The following FMN1 variants were observed in gnomAD, a reference collection of about 807,000 sequenced individuals.
FMN1 encodes the protein formin 1, also known as formin-1.
A neutral mutation model predicts 132.4 loss-of-function variants in FMN1; 110 were observed. The observed-to-expected ratio is 0.83, with a 90% CI of 0.71 to 0.97. FMN1 has a LOEUF of 0.97. Ranked by LOEUF, FMN1 falls within the 50% of genes least tolerant of loss-of-function variation. FMN1 has a pLI of 0.00. For missense variants in FMN1, 1,792 were observed against 1,705.3 expected, an observed-to-expected ratio of 1.05 and a Z score of -0.90; for synonymous variants, 722 against 651.7, an observed-to-expected ratio of 1.11 and a Z score of -1.64.
At chr15:32,956,372 T>A (rs11855498) in intron 9 of FMN1, among the ~76,000 whole-genome samples, 29,071 of 150,982 alleles carry the variant, frequency 0.19, 3,501 homozygotes, top group African/African-American at 0.35. Flanking sequence ...TTTTTTTTTT[T>A]AAAAAAATAA....
intron 16 of FMN1, among the ~76,000 whole-genome samples, chr15:32,879,861 T>A (rs528460233): frequency 1.3e-5 from 2 of 152,286 alleles, no homozygotes; most frequent in East Asian, 3.9e-4. Context: ...GGATTTTTTG[T>A]TTTTATGTAT....
At position 32,795,886 on chromosome 15, in the gene FMN1, C is replaced by G. The variant is rs192776197; in HGVS notation, c.4130+2918G>C. On this transcript the variant is annotated intron_variant, in intron 19 of 20. Coordinates refer to ENST00000616417, the MANE Select transcript of FMN1 (RefSeq NM_001277313.2). ...TGAAAGCCATTAATATACCACGACA[C>G]AGTAGATTACTCTTCCAAAGATATA... Among the ~76,000 whole-genome samples, 542 of 152,304 alleles carry G rather than the reference C, an allele frequency of 3.6e-3. 4 individuals are homozygous for G. The highest frequency in any genetic ancestry group is 6.0e-3 in the Non-Finnish European group (406 of 68,016).
chr15:32,904,785 T>C (rs1337233399), intron 12 of FMN1, among the ~76,000 whole-genome samples: 6 of 152,180 alleles, frequency 3.9e-5, no homozygotes, highest in South Asian at 2.1e-4. Context: ...ATAGCTCCTC[T>C]CTTATTTATC....
At chr15:33,183,647 T>A (rs1254880322) in intron 2 of FMN1, among the ~76,000 whole-genome samples, 1 of 152,206 alleles carries the variant, frequency 6.6e-6, no homozygotes, top group African/African-American at 2.4e-5. Context: ...TTGACATTTA[T>A]CAAACAGTAG....
intron 7 of FMN1, among the ~76,000 whole-genome samples, chr15:32,977,319 G>A (rs555611581): frequency 1.3e-5 from 2 of 152,238 alleles, no homozygotes; most frequent in South Asian, 4.1e-4. Flanking sequence ...TCCTTCCCAT[G>A]CAATATATTT....
chr15:32,794,897 T>G (rs78085189), intron 19 of FMN1, among the ~76,000 whole-genome samples: 2,565 of 152,286 alleles, frequency 0.017, 82 homozygotes, highest in African/African-American at 0.059. Context: ...AAACGTGATC[T>G]TCAAGAACAA....
In FMN1 at chr15:33,163,673, A is replaced by G. The variant is rs185094896; in HGVS notation, c.-131-8628T>C. Among the ~76,000 whole-genome samples the G allele has an allele frequency of 1.9e-3, 281 of 151,074 alleles. 1 individual carries two copies. Among genetic ancestry groups the G allele is most frequent in the African/African-American group, 6.6e-3 (272 of 41,002 alleles). On this transcript the variant is annotated intron_variant, in intron 3 of 20. Transcript: ENST00000616417. ...ACTCTTGTTGCCGAGGCTGGAGTACAGTGGTGAGATCTTGGCTCACTGCAA... is the reference window on the plus strand; with the variant it reads ...ACTCTTGTTGCCGAGGCTGGAGTACGGTGGTGAGATCTTGGCTCACTGCAA...
rs181765816 is a variant in FMN1, at chr15:32,974,539, G to T, written c.2224-5062C>A. Among the ~76,000 whole-genome samples the T allele has an allele frequency of 9.9e-5, 15 of 152,230 alleles. No individual in the cohort carries two copies. The East Asian group carries it at 2.9e-3, about 29-fold the overall frequency. ...CAATTTTTACCTTTCTAATAAAGTGGTTCTCAAGCCCTGCTCCCATTAGAA... is the reference window on the plus strand; with the variant it reads ...CAATTTTTACCTTTCTAATAAAGTGTTTCTCAAGCCCTGCTCCCATTAGAA... On this transcript the variant is annotated intron_variant, in intron 7 of 20. Coordinates refer to ENST00000616417, the MANE Select transcript of FMN1 (RefSeq NM_001277313.2).
intron 6 of FMN1, among the ~76,000 whole-genome samples, chr15:33,013,920 A>G (rs2034885542): frequency 6.6e-6 from 1 of 152,226 alleles, no homozygotes; most frequent in African/African-American, 2.4e-5. Flanking sequence ...TGTAAATTGT[A>G]CCTATATGGG....
At chr15:33,075,670 G>A (rs903530332) in intron 5 of FMN1, among the ~76,000 whole-genome samples, 1 of 151,372 alleles carries the variant, frequency 6.6e-6, no homozygotes, top group Admixed American at 6.6e-5. Flanking sequence ...AGTTATTTGA[G>A]AGAAAAAAAA....
chr15:32,854,593 T>C (rs975997228), intron 17 of FMN1, among the ~76,000 whole-genome samples: 2 of 152,212 alleles, frequency 1.3e-5, no homozygotes, highest in African/African-American at 2.4e-5. Flanking sequence ...GATGAGCTGA[T>C]TGTCACTTTT....
intron 16 of FMN1, among the ~76,000 whole-genome samples, chr15:32,863,934 T>C (rs1390895809): frequency 1.3e-5 from 2 of 152,218 alleles, no homozygotes; most frequent in South Asian, 2.1e-4. Context: ...TGAAATGCAA[T>C]GTAATAAAAT....
intron 6 of FMN1, among the ~76,000 whole-genome samples, chr15:33,017,466 T>A (rs970441766): frequency 6.6e-6 from 1 of 152,062 alleles, no homozygotes; most frequent in African/African-American, 2.4e-5. Flanking sequence ...AAAACTACTC[T>A]AAAAATAGTT....
chr15:33,067,357 T>C (rs2037786570), intron 5 of FMN1: 2 of 1,614,028 alleles, frequency 1.2e-6, no homozygotes, highest in African/African-American at 2.7e-5. Context: ...ACTCCTGAGA[T>C]GGCTCAGATA....
At chr15:33,007,907 T>C (rs1312576513) in intron 7 of FMN1, 107 bp downstream of exon 7, 2 of 890,550 alleles carry the variant, frequency 2.2e-6, no homozygotes, top group Admixed American at 2.4e-5. Context: ...CAAGATGCGA[T>C]GCTGTCTAGT....
intron 7 of FMN1, among the ~76,000 whole-genome samples, chr15:33,001,343 A>C (rs891257836): frequency 6.6e-6 from 1 of 152,186 alleles, no homozygotes; most frequent in African/African-American, 2.4e-5. Context: ...TTCAAAAGCA[A>C]AGATTTATTG....
intron 5 of FMN1, among the ~76,000 whole-genome samples, chr15:33,075,281 G>A (rs1216174301): frequency 6.6e-6 from 1 of 152,088 alleles, no homozygotes; most frequent in Admixed American, 6.5e-5. Context: ...CTTCCTTAGG[G>A]ACACCAACCA....
intron 9 of FMN1, among the ~76,000 whole-genome samples, chr15:32,959,639 A>G (rs150477130): frequency 6.6e-6 from 1 of 152,346 alleles, no homozygotes; most frequent in African/African-American, 2.4e-5. Flanking sequence ...AAGAGTTTAA[A>G]TGAAGTGTTA....
intron 10 of FMN1, among the ~76,000 whole-genome samples, chr15:32,913,435 C>T (rs1290105610): frequency 6.6e-6 from 1 of 152,110 alleles, no homozygotes. Flanking sequence ...TTGTTAAGCT[C>T]ATTCCCTGCC....
Sources: allele counts gnomAD v4.1 joint callset (sites outside exome capture counted in the v4.1 genomes callset), GRCh38; gene constraint gnomAD v4.1.1; transcripts MANE v1.5; gene names NCBI Gene and HGNC (gene_info 2026-07-23, HGNC 2026-07-21).